The following MMP16 variants were observed in gnomAD, a reference collection of about 807,000 sequenced individuals.
The protein encoded by MMP16 is matrix metalloproteinase-16.
In MMP16, 12 loss-of-function variants were observed where a neutral mutation model predicts 67.8. The observed-to-expected ratio is 0.18, with a 90% CI of 0.11 to 0.29. The LOEUF (loss-of-function observed/expected upper bound fraction) is 0.29. Among genes scored for constraint, MMP16 ranks in the 10% least tolerant of loss-of-function variants. The pLI, the probability that MMP16 is intolerant of heterozygous loss-of-function variation, is 1.00. For missense variants in MMP16, 475 were observed against 765.7 expected (o/e 0.62, Z 4.48); for synonymous variants, 249 against 255.9 (o/e 0.97, Z 0.26).
intron 1 of MMP16, among the ~76,000 whole-genome samples, chr8:88,324,752 C>CA (rs1260139597): frequency 4.6e-5 from 7 of 151,436 alleles, no homozygotes; most frequent in African/African-American, 9.7e-5. Flanking sequence ...TGTTTCCTAT[C>CA]AAAAAAAAGT....
chr8:88,326,903 C>A (rs1168590279), intron 1 of MMP16, 172 bp downstream of exon 1: 2 of 681,416 alleles, frequency 2.9e-6, no homozygotes, highest in East Asian at 3.0e-5. Context: ...GGGTCTCACA[C>A]GCATCCGTCA....
At chr8:88,290,944 T>C (rs2130018035) in intron 1 of MMP16, among the ~76,000 whole-genome samples, 1 of 152,268 alleles carries the variant, frequency 6.6e-6, no homozygotes, top group East Asian at 1.9e-4. Context: ...GATTCTCCGA[T>C]TCTAATGAGT....
Position 88,046,665 on chromosome 8 carries a change from A to G in MMP16, c.1489+4T>C, listed in dbSNP as rs759446380. On this transcript the variant is annotated splice_donor_region_variant and intron_variant, in intron 9 of 9. Coordinates refer to ENST00000286614, the MANE Select transcript of MMP16 (RefSeq NM_005941.5). The stretch of plus-strand genomic sequence containing the variant: ...ATGAAATGTAGAAAGCACATGTTGC[A>G]TACCATTTTCTTTGTGTACAAATGC... The G allele has an allele frequency of 6.4e-7, 1 of 1,558,696 alleles. No homozygotes were observed. The highest frequency in any genetic ancestry group is 8.7e-7 in the Non-Finnish European group (1 of 1,145,782).
At chr8:88,191,309 T>G (rs2129766985) in intron 2 of MMP16, among the ~76,000 whole-genome samples, 1 of 152,298 alleles carries the variant, frequency 6.6e-6, no homozygotes, top group South Asian at 2.1e-4. Context: ...GAGATGATAA[T>G]ATTACCTCTA....
chr8:88,180,837 A>G (rs567387593), intron 3 of MMP16, among the ~76,000 whole-genome samples: 20 of 152,324 alleles, frequency 1.3e-4, no homozygotes, highest in African/African-American at 4.6e-4. Flanking sequence ...AGAACTGTAC[A>G]TTATGTCAAA....
At chr8:88,205,890 T>C (rs1014087517) in intron 1 of MMP16, among the ~76,000 whole-genome samples, 1 of 152,194 alleles carries the variant, frequency 6.6e-6, no homozygotes, top group Non-Finnish European at 1.5e-5. Flanking sequence ...ACTTCTTCTT[T>C]TTACTCATAA....
At chr8:88,215,915 T>C (rs1296503582) in intron 1 of MMP16, among the ~76,000 whole-genome samples, 2 of 152,176 alleles carry the variant, frequency 1.3e-5, no homozygotes, top group African/African-American at 4.8e-5. Flanking sequence ...CAGTATAGGA[T>C]CATCTTTACA....
At chr8:88,085,746 T>C (rs978467567) in intron 6 of MMP16, among the ~76,000 whole-genome samples, 2 of 152,026 alleles carry the variant, frequency 1.3e-5, no homozygotes, top group African/African-American at 4.8e-5. Flanking sequence ...TTTATTTGTG[T>C]TTCAAAAGAA....
chr8:88,162,696 C>G (rs565076639), intron 4 of MMP16, among the ~76,000 whole-genome samples: 2 of 152,090 alleles, frequency 1.3e-5, no homozygotes, highest in African/African-American at 4.8e-5. Flanking sequence ...CAGATTTGCA[C>G]TTTGCTGTTC....
intron 1 of MMP16, among the ~76,000 whole-genome samples, chr8:88,203,170 C>A (rs937282126): frequency 7.7e-6 from 1 of 130,410 alleles, no homozygotes; most frequent in Non-Finnish European, 1.6e-5. Context: ...GTGGTGTAAT[C>A]TTGGCTCACT....
At chr8:88,126,840 T>C (rs1292331740) in intron 4 of MMP16, among the ~76,000 whole-genome samples, 2 of 151,870 alleles carry the variant, frequency 1.3e-5, no homozygotes, top group Non-Finnish European at 2.9e-5. Flanking sequence ...ATAGGGTTGT[T>C]AGTAGGTTAA....
At chr8:88,183,344 T>C (rs1809012079) in intron 3 of MMP16, among the ~76,000 whole-genome samples, 1 of 151,910 alleles carries the variant, frequency 6.6e-6, no homozygotes, top group African/African-American at 2.4e-5. Context: ...CTCTGTGAAC[T>C]CTCTGTACTA....
intron 1 of MMP16, among the ~76,000 whole-genome samples, chr8:88,288,785 T>G (rs945857848): frequency 6.6e-6 from 1 of 152,222 alleles, no homozygotes; most frequent in Non-Finnish European, 1.5e-5. Context: ...TCTAGGACTT[T>G]AGCTCAAGGA....
chr8:88,213,586 TA>T (rs1406086906), intron 1 of MMP16, among the ~76,000 whole-genome samples: 22 of 152,228 alleles, frequency 1.4e-4, no homozygotes, highest in African/African-American at 5.1e-4. Flanking sequence ...AGAGCAAAGA[TA>T]GAAGAATGAT....
chr8:88,139,997 G>A (rs569180319), intron 4 of MMP16, among the ~76,000 whole-genome samples: 5 of 152,018 alleles, frequency 3.3e-5, no homozygotes, highest in South Asian at 2.1e-4. Flanking sequence ...AACAATAATC[G>A]TTTGCTATAT....
intron 4 of MMP16, among the ~76,000 whole-genome samples, chr8:88,167,210 C>A (rs1280584550): frequency 2.6e-5 from 4 of 151,852 alleles, no homozygotes; most frequent in Non-Finnish European, 5.9e-5. Flanking sequence ...AAAACTTCAT[C>A]TCAAAACAAA....
intron 8 of MMP16, among the ~76,000 whole-genome samples, chr8:88,050,061 C>T (rs1270512018): frequency 6.6e-6 from 1 of 152,046 alleles, no homozygotes; most frequent in Non-Finnish European, 1.5e-5. Context: ...GTGGCTCACA[C>T]CTGTAATTCC....
intron 4 of MMP16, among the ~76,000 whole-genome samples, chr8:88,158,080 A>C (rs553775085): frequency 1.1e-4 from 16 of 152,224 alleles, no homozygotes; most frequent in Non-Finnish European, 1.3e-4. Flanking sequence ...ATTGTTGGAC[A>C]TTTGGGTTGG....
At chr8:88,221,180 T>C (rs1809676655) in intron 1 of MMP16, among the ~76,000 whole-genome samples, 1 of 152,108 alleles carries the variant, frequency 6.6e-6, no homozygotes. Context: ...AATGGCAAGA[T>C]GCCCTGTCCT....
Sources: gnomAD v4.1 joint callset for allele counts (sites outside exome capture counted in the v4.1 genomes callset) on GRCh38, gnomAD v4.1.1 for gene constraint, MANE v1.5 for transcripts, NCBI Gene and HGNC (gene_info 2026-07-23, HGNC 2026-07-21) for gene names.